The following RP1 variants were observed in gnomAD, a reference collection of about 807,000 sequenced individuals.
RP1 encodes the protein RP1 axonemal microtubule associated.
Under a neutral mutation model 14.8 loss-of-function variants are expected in RP1, and 16 were observed. That is an observed-to-expected ratio of 1.08 (90% CI 0.73 to 1.65). The LOEUF (loss-of-function observed/expected upper bound fraction) is 1.65, where lower values mean the gene tolerates loss of function less well. Among genes scored for constraint, RP1 ranks in the 40% most tolerant of loss-of-function variants. RP1 has a pLI of 0.00. For synonymous variants in RP1, 876 were observed against 883.6 expected, an observed-to-expected ratio of 0.99 and a Z score of 0.15; for missense variants, 2,631 against 2,535.0, an observed-to-expected ratio of 1.04 and a Z score of -0.81.
chr8:54,723,193 A>G (rs544864770), intron 16 of RP1, among the ~76,000 whole-genome samples: 1 of 152,346 alleles, frequency 6.6e-6, no homozygotes, highest in South Asian at 2.1e-4. Flanking sequence ...TACGTGAATT[A>G]ACATATGTAA....
At chr8:54,811,293 C>T (rs555780285) in intron 24 of RP1, among the ~76,000 whole-genome samples, 2 of 152,300 alleles carry the variant, frequency 1.3e-5, no homozygotes, top group African/African-American at 4.8e-5. Context: ...ATAGGGCCCT[C>T]CTGCCAGGCT....
intron 1 of RP1, among the ~76,000 whole-genome samples, chr8:54,579,486 C>T (rs1445422567): frequency 3.3e-5 from 5 of 152,152 alleles, no homozygotes; most frequent in African/African-American, 1.2e-4. Context: ...GCATTTCCCC[C>T]CCAGTAGATG....
At chr8:54,608,689 T>TGAA (rs1753318418) in intron 1 of RP1, among the ~76,000 whole-genome samples, 1 of 152,138 alleles carries the variant, frequency 6.6e-6, no homozygotes, top group Non-Finnish European at 1.5e-5. Flanking sequence ...ACTTAAAAGT[T>TGAA]GAAGAAAAAA....
chr8:54,645,900 G>A (rs1473096574), intron 3 of RP1, among the ~76,000 whole-genome samples: 1 of 151,898 alleles, frequency 6.6e-6, no homozygotes, highest in East Asian at 1.9e-4. Flanking sequence ...GTCTGCTCTG[G>A]TAAATTGAGT....
At chr8:54,562,175 G>A (rs760985596) in intron 1 of RP1, among the ~76,000 whole-genome samples, 7 of 152,036 alleles carry the variant, frequency 4.6e-5, no homozygotes, top group Non-Finnish European at 1.0e-4. Context: ...TAAAAACTCC[G>A]AATTTAAAAT....
In RP1 at chr8:54,619,981, G is replaced by A. The variant is rs914952077; in HGVS notation, c.-12-974G>A. On this transcript the variant is annotated intron_variant, in intron 1 of 3. Transcript: ENST00000220676. Reference sequence around the variant, plus strand: ...TTGTCAGGATATGAAGGACTAAATTGATGAACTGCAAAACTCTCTTACTTT... The same window carrying A: ...TTGTCAGGATATGAAGGACTAAATTAATGAACTGCAAAACTCTCTTACTTT... 2.6e-5 allele frequency among the ~76,000 whole-genome samples: 4 copies of A among 152,128 alleles called. No individual in the cohort carries two copies. The South Asian group carries it at 6.2e-4, about 24-fold the overall frequency.
At chr8:54,581,323 A>T (rs189470822) in intron 1 of RP1, among the ~76,000 whole-genome samples, 15 of 152,312 alleles carry the variant, frequency 9.8e-5, no homozygotes, top group African/African-American at 3.6e-4. Flanking sequence ...TGTCCCTACG[A>T]AGGACATGAA....
intron 1 of RP1, among the ~76,000 whole-genome samples, chr8:54,593,294 A>G (rs961773711): frequency 6.6e-6 from 1 of 152,084 alleles, no homozygotes; most frequent in Non-Finnish European, 1.5e-5. Flanking sequence ...TTATAGAACC[A>G]CCATTTTATT....
At chr8:54,569,470 A>G (rs1260571359) in intron 1 of RP1, among the ~76,000 whole-genome samples, 1 of 152,224 alleles carries the variant, frequency 6.6e-6, no homozygotes, top group Non-Finnish European at 1.5e-5. Context: ...TGGCTTGAGT[A>G]TTCAGCTGTG....
In RP1 at chr8:54,621,010, C is replaced by G; in HGVS notation, c.44C>G (p.Thr15Arg). The change falls in exon 2 of 4, where the codon ACG (threonine) becomes AGG (arginine). Residue 15 changes from threonine (T) to arginine (R), a missense_variant. Coordinates refer to ENST00000220676, the MANE Select transcript of RP1 (RefSeq NM_006269.2). The part of the protein sequence containing the change: ...PSTGFSIIHP[T>R]SSEGQVPPPR... The stretch of plus-strand genomic sequence containing the variant: ...ACTGGTTTTTCCATCATTCATCCTA[C>G]GTCTTCTGAAGGTCAAGTTCCACCC... 2.5e-6 allele frequency: 4 copies of G among 1,614,122 alleles called. No individual in the cohort carries two copies. Among genetic ancestry groups the G allele is most frequent in the Non-Finnish European group, 3.4e-6 (4 of 1,180,006 alleles).
chr8:54,859,027 G>A (rs548014809), intron 27 of RP1, among the ~76,000 whole-genome samples: 2 of 152,142 alleles, frequency 1.3e-5, no homozygotes, highest in East Asian at 3.9e-4. Flanking sequence ...GTAGAGTGGT[G>A]TCATTGTAAA....
chr8:54,766,031 G>T (rs1809752464), intron 22 of RP1, among the ~76,000 whole-genome samples: 1 of 152,026 alleles, frequency 6.6e-6, no homozygotes, highest in Non-Finnish European at 1.5e-5. Flanking sequence ...GAGGGAGGGG[G>T]GTAAGGACGA....
chr8:54,800,330 G>A (rs1447261737), intron 24 of RP1, among the ~76,000 whole-genome samples: 1 of 151,952 alleles, frequency 6.6e-6, no homozygotes, highest in African/African-American at 2.4e-5. Flanking sequence ...GGGGGGGTGT[G>A]TGTATGGGTG....
rs181079117 is a variant in RP1, at chr8:54,739,773, G to A, written c.2808+744G>A. On this transcript the variant is annotated intron_variant, in intron 19 of 22. Coordinates refer to the RP1 transcript ENST00000636932. ...AAATATCAATGTAAAATATAGCCAT[G>A]TGCCACATAGGATGTTTTGATTAGC... Among the ~76,000 whole-genome samples, 264 of 152,018 alleles carry A rather than the reference G, an allele frequency of 1.7e-3. 1 individual carries two copies. The highest frequency in any genetic ancestry group is 1.1e-3 in the Non-Finnish European group (72 of 67,986).
At chr8:54,796,631 A>G (rs1328999299) in intron 24 of RP1, among the ~76,000 whole-genome samples, 1 of 152,180 alleles carries the variant, frequency 6.6e-6, no homozygotes, top group African/African-American at 2.4e-5. Flanking sequence ...GCTGTAAGCC[A>G]AAGGATGCCA....
intron 23 of RP1, among the ~76,000 whole-genome samples, chr8:54,781,242 C>T (rs764265502): frequency 1.3e-5 from 2 of 152,078 alleles, no homozygotes; most frequent in African/African-American, 2.4e-5. Flanking sequence ...TTTTTTTAAA[C>T]CTTTCAAAAC....
At chr8:54,658,642 G>C (rs1585585953) in intron 6 of RP1, among the ~76,000 whole-genome samples, 1 of 152,002 alleles carries the variant, frequency 6.6e-6, no homozygotes, top group East Asian at 1.9e-4. Context: ...TGGACATTAG[G>C]CTTGCTTCCA....
intron 25 of RP1, among the ~76,000 whole-genome samples, chr8:54,844,880 T>A (rs1242663479): frequency 6.6e-6 from 1 of 152,136 alleles, no homozygotes; most frequent in Non-Finnish European, 1.5e-5. Context: ...ACTGGGTCAC[T>A]CTGTGTAAAG....
intron 24 of RP1, among the ~76,000 whole-genome samples, chr8:54,825,578 C>A (rs146623398): frequency 5.0e-4 from 76 of 152,316 alleles, no homozygotes; most frequent in Admixed American, 1.9e-3. Flanking sequence ...TGACAGACAA[C>A]TCTTACCTGT....
Sources: allele counts gnomAD v4.1 joint callset (sites outside exome capture counted in the v4.1 genomes callset), GRCh38; gene constraint gnomAD v4.1.1; transcripts MANE v1.5; gene names NCBI Gene and HGNC (gene_info 2026-07-23, HGNC 2026-07-21).